The following SCAPER variants were observed in gnomAD, a reference collection of about 807,000 sequenced individuals.
SCAPER encodes the protein S phase cyclin A-associated protein in the endoplasmic reticulum.
Under a neutral mutation model 182.2 loss-of-function variants are expected in SCAPER, and 98 were observed. The ratio of observed to expected loss-of-function variants is 0.54; its 90% CI spans 0.46 to 0.64. The LOEUF is 0.64. Ranked by LOEUF, SCAPER falls within the 30% of genes least tolerant of loss-of-function variation. The pLI, the probability that SCAPER is intolerant of heterozygous loss-of-function variation, is 0.00. For synonymous variants in SCAPER, 605 were observed against 564.6 expected, an observed-to-expected ratio of 1.07 and a Z score of -1.01; for missense variants, 1,432 against 1,690.0, an observed-to-expected ratio of 0.85 and a Z score of 2.68.
intron 23 of SCAPER, among the ~76,000 whole-genome samples, chr15:76,507,064 C>G (rs2041647285): frequency 6.6e-6 from 1 of 152,006 alleles, no homozygotes; most frequent in Non-Finnish European, 1.5e-5. Flanking sequence ...TTGAATTGTG[C>G]CCCCCTCAAA....
intron 18 of SCAPER, among the ~76,000 whole-genome samples, chr15:76,704,286 G>A (rs2059125425): frequency 6.6e-6 from 1 of 152,166 alleles, no homozygotes; most frequent in Admixed American, 6.5e-5. Flanking sequence ...TGTTCACTCT[G>A]ATGGTAGTTT....
chr15:76,514,766 T>C (rs1283383573), intron 23 of SCAPER, among the ~76,000 whole-genome samples: 1 of 152,170 alleles, frequency 6.6e-6, no homozygotes, highest in East Asian at 1.9e-4. Context: ...CGTCCTGAAG[T>C]GAAAATTTTT....
chr15:76,900,363 CAAAA>C (rs899782295), intron 1 of SCAPER, among the ~76,000 whole-genome samples: 2 of 137,710 alleles, frequency 1.5e-5, no homozygotes, highest in African/African-American at 5.4e-5. Flanking sequence ...AAAAAAAAGA[CAAAA>C]ATAAATAAAT....
At chr15:76,860,186 C>G (rs1435520850) in intron 3 of SCAPER, among the ~76,000 whole-genome samples, 1 of 152,052 alleles carries the variant, frequency 6.6e-6, no homozygotes, top group African/African-American at 2.4e-5. Flanking sequence ...CACCTTTGAA[C>G]TATTTTGTGT....
intron 23 of SCAPER, among the ~76,000 whole-genome samples, chr15:76,543,121 A>T (rs1338622925): frequency 6.6e-6 from 1 of 152,208 alleles, no homozygotes; most frequent in Non-Finnish European, 1.5e-5. Context: ...GTAGAATGTC[A>T]CAATCACATG....
chr15:76,871,752 G>A (rs752857549), intron 2 of SCAPER, among the ~76,000 whole-genome samples: 10 of 151,520 alleles, frequency 6.6e-5, no homozygotes, highest in African/African-American at 1.5e-4. Flanking sequence ...CACCATGCTC[G>A]GCTAATTTTT....
chr15:76,862,580 AAT>A, intron 2 of SCAPER, 47 bp from the exon 3 acceptor site: 3 of 1,180,260 alleles, frequency 2.5e-6, no homozygotes, highest in Non-Finnish European at 3.6e-6. Flanking sequence ...GATAAGTCAA[AAT>A]ATATATTTAA....
At chr15:76,700,126 G>C (rs766917190) in intron 20 of SCAPER, among the ~76,000 whole-genome samples, 1 of 152,214 alleles carries the variant, frequency 6.6e-6, no homozygotes. Context: ...CAAGGACCCT[G>C]AGAGATGCCA....
At chr15:76,881,762 A>G (rs892287022) in intron 2 of SCAPER, among the ~76,000 whole-genome samples, 22 of 152,224 alleles carry the variant, frequency 1.4e-4, no homozygotes, top group Non-Finnish European at 2.8e-4. Flanking sequence ...TAGAGTTTCA[A>G]TATTTCAAGA....
chr15:76,489,907 G>T (rs759599318), intron 24 of SCAPER, among the ~76,000 whole-genome samples: 11 of 152,240 alleles, frequency 7.2e-5, no homozygotes, highest in South Asian at 6.2e-4. Context: ...TTGTCCTTGT[G>T]TGAATGGCTT....
chr15:76,390,019 CA>C (rs1183828597), intron 27 of SCAPER, among the ~76,000 whole-genome samples: 3 of 151,598 alleles, frequency 2.0e-5, no homozygotes, highest in Admixed American at 2.0e-4. Flanking sequence ...TGTGGTGGCA[CA>C]ATTGTAGCTC....
chr15:76,788,678 G>T (rs139126146), intron 8 of SCAPER, among the ~76,000 whole-genome samples: 588 of 152,034 alleles, frequency 3.9e-3, no homozygotes, highest in Non-Finnish European at 6.4e-3. Flanking sequence ...TCATAGATAC[G>T]GACTTTGAAA....
intron 22 of SCAPER, among the ~76,000 whole-genome samples, chr15:76,606,341 T>C (rs1567577546): frequency 6.6e-6 from 1 of 152,228 alleles, no homozygotes; most frequent in Non-Finnish European, 1.5e-5. Context: ...TTGAGTGAGT[T>C]TCTTAACCCT....
At chr15:76,844,865 G>A (rs146106317) in intron 4 of SCAPER, among the ~76,000 whole-genome samples, 1 of 152,116 alleles carries the variant, frequency 6.6e-6, no homozygotes, top group African/African-American at 2.4e-5. Flanking sequence ...ATCATTCTAT[G>A]AGGCCAGTAT....
chr15:76,771,518 T>G (rs556450617), intron 10 of SCAPER, among the ~76,000 whole-genome samples: 67 of 152,248 alleles, frequency 4.4e-4, no homozygotes, highest in Non-Finnish European at 7.4e-4. Context: ...CCAAATGATT[T>G]TGAACAAGTC....
At chr15:76,534,345 T>C (rs931207116) in intron 23 of SCAPER, among the ~76,000 whole-genome samples, 1 of 152,198 alleles carries the variant, frequency 6.6e-6, no homozygotes, top group Non-Finnish European at 1.5e-5. Context: ...CCATTAGTGG[T>C]CACCAAGGGA....
chr15:76,801,616 G>C (rs1206784716), intron 6 of SCAPER, among the ~76,000 whole-genome samples: 1 of 152,064 alleles, frequency 6.6e-6, no homozygotes, highest in Admixed American at 6.6e-5. Context: ...CTGATAACTG[G>C]CAAAAGTAAA....
rs563976893 is a variant in SCAPER at position 76,411,895 on chromosome 15, C to G, written c.3312-7216G>C. Among the ~76,000 whole-genome samples the G allele has an allele frequency of 4.0e-4, 61 of 152,230 alleles. No homozygotes were observed. The South Asian group carries it at 0.012, about 31-fold the overall frequency. Reference sequence around the variant, plus strand: ...AACATACTGAACACACTTCCATGTGCTAAGTAGTTATTTGTGTATCTTTCC... The same window carrying G: ...AACATACTGAACACACTTCCATGTGGTAAGTAGTTATTTGTGTATCTTTCC... On this transcript the variant is annotated intron_variant, in intron 26 of 31. Transcript: ENST00000563290.
At chr15:76,465,156 A>G (rs993953827) in intron 25 of SCAPER, among the ~76,000 whole-genome samples, 3 of 152,188 alleles carry the variant, frequency 2.0e-5, no homozygotes, top group Admixed American at 6.5e-5. Flanking sequence ...TTGAGCTGCT[A>G]TAACAAAATA....
Sources: gnomAD v4.1 joint callset for allele counts (sites outside exome capture counted in the v4.1 genomes callset) on GRCh38, gnomAD v4.1.1 for gene constraint, MANE v1.5 for transcripts, NCBI Gene and HGNC (gene_info 2026-07-23, HGNC 2026-07-21) for gene names.